The following MTUS2 variants were observed in gnomAD, a reference collection of about 807,000 sequenced individuals.
MTUS2 encodes microtubule-associated tumor suppressor candidate 2.
A neutral mutation model predicts 114.1 loss-of-function variants in MTUS2; 40 were observed. The observed-to-expected ratio is 0.35, with a 90% CI of 0.27 to 0.46. The LOEUF is 0.46. Ranked by LOEUF, MTUS2 falls within the 20% of genes least tolerant of loss-of-function variation. The probability of loss-of-function intolerance (pLI) is 1.00; values close to 1 mark genes in which losing one functional copy is unlikely to be tolerated. For synonymous variants in MTUS2, 688 were observed against 672.0 expected, an observed-to-expected ratio of 1.02 and a Z score of -0.37; for missense variants, 1,679 against 1,705.4, an observed-to-expected ratio of 0.98 and a Z score of 0.27.
In MTUS2 at chr13:28,928,091, A is replaced by G. The variant is rs554808041; in HGVS notation, c.-243+88241A>G. On this transcript the variant is annotated intron_variant, in intron 2 of 15. Coordinates refer to ENST00000612955, the MANE Select transcript of MTUS2 (RefSeq NM_001033602.4). The stretch of plus-strand genomic sequence containing the variant: ...GGATTCCTATTTCTCACCATATGCA[A>G]AAATCAAATAAAAATGGAATAAAGA... 2.0e-5 allele frequency among the ~76,000 whole-genome samples: 3 copies of G among 152,330 alleles called. No homozygotes were observed. In the South Asian group the frequency reaches 6.2e-4, roughly 32 times the overall value.
intron 8 of MTUS2, among the ~76,000 whole-genome samples, chr13:29,414,533 A>G (rs190849900): frequency 6.6e-6 from 1 of 150,938 alleles, no homozygotes; most frequent in Admixed American, 6.6e-5. Context: ...TTTGTATGCA[A>G]TAGTTGTTTA....
At position 29,415,715 on chromosome 13, in the gene MTUS2, G is replaced by A. The variant is rs116788552; in HGVS notation, c.3118-24268G>A. On this transcript the variant is annotated intron_variant, in intron 8 of 15. Transcript: ENST00000612955. Reference sequence around the variant, plus strand: ...TTAGATTTATTGGTATAGCTGATATGTTTGGTCTGAGTCTACATAATGTTT... The same window carrying A: ...TTAGATTTATTGGTATAGCTGATATATTTGGTCTGAGTCTACATAATGTTT... 2.0e-5 allele frequency among the ~76,000 whole-genome samples: 3 copies of A among 152,082 alleles called. No homozygotes were observed. The South Asian group carries it at 6.2e-4, about 31-fold the overall frequency.
intron 7 of MTUS2, among the ~76,000 whole-genome samples, chr13:29,333,063 C>T (rs532481885): frequency 3.3e-5 from 5 of 152,212 alleles, no homozygotes; most frequent in East Asian, 1.9e-4. Flanking sequence ...GATTCTGGTA[C>T]GTTGTGTCTT....
chr13:29,145,998 C>A (rs537319465), intron 5 of MTUS2, among the ~76,000 whole-genome samples: 13 of 152,178 alleles, frequency 8.5e-5, no homozygotes, highest in Non-Finnish European at 1.8e-4. Flanking sequence ...CATGTGCCTA[C>A]TATTGTTATA....
intron 2 of MTUS2, among the ~76,000 whole-genome samples, chr13:28,871,212 GA>G (rs1205077090): frequency 6.6e-6 from 1 of 152,152 alleles, no homozygotes. Context: ...ACTTCTGGAA[GA>G]AAGGACACAG....
At chr13:28,970,415 G>T (rs1033267238) in intron 2 of MTUS2, among the ~76,000 whole-genome samples, 15 of 152,212 alleles carry the variant, frequency 9.9e-5, no homozygotes, top group African/African-American at 3.4e-4. Flanking sequence ...CTGTATTTGT[G>T]AATAAAATCT....
At chr13:28,961,410 A>G (rs1031973903) in intron 2 of MTUS2, among the ~76,000 whole-genome samples, 1 of 152,172 alleles carries the variant, frequency 6.6e-6, no homozygotes, top group Non-Finnish European at 1.5e-5. Context: ...TCTATAGAGG[A>G]AAAACAATTA....
intron 8 of MTUS2, among the ~76,000 whole-genome samples, chr13:29,436,944 A>C (rs80224228): frequency 0.012 from 1,847 of 152,222 alleles, 44 homozygotes; most frequent in African/African-American, 0.041. Flanking sequence ...CCAAAGTGAT[A>C]CAAGTCTGAA....
Position 28,929,588 on chromosome 13 carries a change from G to T in MTUS2, c.-243+89738G>T, listed in dbSNP as rs55798107. Reference sequence around the variant, plus strand: ...ATGACTTCAAGCAGAGAGCCAGCTTGAGCACCGCTATGAAGGGGAGAGTCC... The same window carrying T: ...ATGACTTCAAGCAGAGAGCCAGCTTTAGCACCGCTATGAAGGGGAGAGTCC... On this transcript the variant is annotated intron_variant, in intron 2 of 15. Transcript: ENST00000612955. Among the ~76,000 whole-genome samples the T allele has an allele frequency of 4.0e-3, 612 of 152,298 alleles. 2 individuals are homozygous for T. Among genetic ancestry groups the T allele is most frequent in the Non-Finnish European group, 7.0e-3 (474 of 68,020 alleles).
chr13:29,441,007 C>T (rs1363799700), intron 9 of MTUS2, among the ~76,000 whole-genome samples: 4 of 152,162 alleles, frequency 2.6e-5, no homozygotes, highest in African/African-American at 9.7e-5. Context: ...TCTTTTTCTC[C>T]CCTGTGAGTT....
At chr13:29,488,118 C>A in intron 11 of MTUS2, 113 bp downstream of exon 11, 1 of 795,420 alleles carries the variant, frequency 1.3e-6, no homozygotes, top group Non-Finnish European at 2.1e-6. Context: ...TCCTGTCTTT[C>A]CCTCCTGGTG....
At chr13:29,423,472 C>T (rs944419517) in intron 8 of MTUS2, among the ~76,000 whole-genome samples, 1 of 152,086 alleles carries the variant, frequency 6.6e-6, no homozygotes, top group African/African-American at 2.4e-5. Context: ...GGAAGGTAGA[C>T]GAGTGAGTTG....
At chr13:28,928,648 G>A (rs73161858) in intron 2 of MTUS2, among the ~76,000 whole-genome samples, 12,797 of 152,170 alleles carry the variant, frequency 0.084, 597 homozygotes, top group South Asian at 0.13. Context: ...ATGTAAGTAC[G>A]GCTACTATGG....
At chr13:28,921,564 C>A (rs1251335830) in intron 2 of MTUS2, among the ~76,000 whole-genome samples, 3 of 152,168 alleles carry the variant, frequency 2.0e-5, no homozygotes, top group African/African-American at 7.2e-5. Context: ...CCACCCTAGT[C>A]TACTGTCTCT....
intron 8 of MTUS2, among the ~76,000 whole-genome samples, chr13:29,423,444 T>C (rs988604068): frequency 6.6e-6 from 1 of 152,234 alleles, no homozygotes; most frequent in Non-Finnish European, 1.5e-5. Flanking sequence ...GCCTAGGATT[T>C]CTTGTGTCAG....
intron 2 of MTUS2, among the ~76,000 whole-genome samples, chr13:28,944,879 A>C (rs1156415667): frequency 2.6e-5 from 4 of 152,180 alleles, no homozygotes; most frequent in Non-Finnish European, 5.9e-5. Context: ...TTACATGGAC[A>C]TACTGTGTAG....
At chr13:29,142,541 TA>T (rs374328957) in intron 5 of MTUS2, among the ~76,000 whole-genome samples, 86 of 151,988 alleles carry the variant, frequency 5.7e-4, no homozygotes, top group African/African-American at 2.0e-3. Flanking sequence ...CCGTCTCTAC[TA>T]AAAAAATACA....
chr13:29,503,139 C>T lies in MTUS2; in HGVS notation c.4043C>T (p.Ser1348Phe). The stretch of plus-strand genomic sequence containing the variant: ...AGTCCGATTAAACTCTCGCCCACAT[C>T]TCCCGTTTACCGCGGCTCCTCCTCG... ...PTSPIKLSPT[S>F]PVYRGSSSGP... is the part of the protein sequence containing the mutation. Residue 1348 changes from serine to phenylalanine, a missense_variant, in exon 16 of 16, where the codon TCT becomes TTT. Ser to Phe is a radical substitution (Grantham distance 155). Transcript: ENST00000612955. The T allele has an allele frequency of 1.9e-6, 3 of 1,614,252 alleles. No individual in the cohort carries two copies. Among genetic ancestry groups the T allele is most frequent in the Non-Finnish European group, 1.7e-6 (2 of 1,180,042 alleles).
intron 3 of MTUS2, among the ~76,000 whole-genome samples, chr13:29,029,726 G>A (rs1265658950): frequency 2.0e-5 from 3 of 152,174 alleles, no homozygotes; most frequent in Non-Finnish European, 4.4e-5. Flanking sequence ...GAAGAAGAAG[G>A]GGAACCACGT....
Sources: gnomAD v4.1 joint callset for allele counts (sites outside exome capture counted in the v4.1 genomes callset) on GRCh38, gnomAD v4.1.1 for gene constraint, MANE v1.5 for transcripts, NCBI Gene and HGNC (gene_info 2026-07-23, HGNC 2026-07-21) for gene names.